CHD9: variants seen among roughly 807,000 people sequenced by gnomAD.
CHD9 encodes ATP-dependent chromatin remodeler CHD9.
In CHD9, 77 loss-of-function variants were observed where a neutral mutation model predicts 316.1. That is an observed-to-expected ratio of 0.24 (90% CI 0.20 to 0.29). The LOEUF is 0.29. CHD9 is among the 10% of genes least tolerant of loss of function. The pLI is 1.00. For missense variants in CHD9, 2,763 were observed against 3,438.1 expected (o/e 0.80, Z 4.91); for synonymous variants, 1,129 against 1,158.3 (o/e 0.97, Z 0.51).
chr16:53,279,250 A>G (rs926205640), intron 24 of CHD9, among the ~76,000 whole-genome samples: 8 of 152,104 alleles, frequency 5.3e-5, no homozygotes, highest in African/African-American at 1.7e-4. Flanking sequence ...TCAGCAAACT[A>G]TCACAAGGAC....
chr16:53,324,994 A>C lies in CHD9; in HGVS notation c.*99A>C, dbSNP rs2057492750. The C allele has an allele frequency of 9.9e-7, 1 of 1,008,034 alleles. No homozygotes were observed. The highest frequency in any genetic ancestry group is 1.4e-6 in the Non-Finnish European group (1 of 709,358). 62.4% of individuals were successfully genotyped at this position (1,008,034 alleles called of 1,614,324 possible). ...TGTTGAGTGCATCAATAACTTACTG[A>C]CCGAACATTTCAGTTATTTGTTTAG... is the stretch of plus-strand genomic sequence containing the variant. On this transcript the variant is annotated 3_prime_UTR_variant, in exon 39 of 39. Transcript: ENST00000447540.
intron 3 of CHD9, among the ~76,000 whole-genome samples, chr16:53,214,502 G>A (rs1201563742): frequency 6.6e-6 from 1 of 151,718 alleles, no homozygotes; most frequent in Non-Finnish European, 1.5e-5. Context: ...TTTATTATTA[G>A]GCATACCATT....
rs2035833938 is a variant in CHD9 at position 53,090,411 on chromosome 16, G to GA, written c.-165+35339dup. On this transcript the variant is annotated intron_variant, in intron 1 of 38. Coordinates refer to ENST00000447540, the MANE Select transcript of CHD9 (RefSeq NM_001308319.2). ...AGTGAAGATAAAGAGGGGTGTTTAG[G>GA]AAAAATCTCTCCTTGTGAAAACCAA... 2.6e-5 allele frequency among the ~76,000 whole-genome samples: 4 copies of GA among 152,258 alleles called. No homozygotes were observed. In the South Asian group the frequency reaches 8.3e-4, roughly 32 times the overall value.
intron 1 of CHD9, among the ~76,000 whole-genome samples, chr16:53,063,515 TTTTC>T (rs2033174146): frequency 6.6e-6 from 1 of 151,938 alleles, no homozygotes; most frequent in Admixed American, 6.6e-5. Flanking sequence ...TACTTTTTCT[TTTTC>T]TTTATTTTTT....
At chr16:53,145,758 T>C (rs748684854) in intron 1 of CHD9, among the ~76,000 whole-genome samples, 4 of 152,014 alleles carry the variant, frequency 2.6e-5, no homozygotes, top group Non-Finnish European at 5.9e-5. Flanking sequence ...CATCTTGTAC[T>C]CTACCTCTTT....
intron 1 of CHD9, among the ~76,000 whole-genome samples, chr16:53,082,194 A>C (rs2035079876): frequency 6.7e-6 from 1 of 149,578 alleles, no homozygotes; most frequent in Non-Finnish European, 1.5e-5. Context: ...TAAGGACAGG[A>C]GAACATTTTA....
At chr16:53,056,593 A>G (rs2032151351) in intron 1 of CHD9, among the ~76,000 whole-genome samples, 1 of 152,210 alleles carries the variant, frequency 6.6e-6, no homozygotes, top group Non-Finnish European at 1.5e-5. Flanking sequence ...GTGCAAAAGA[A>G]CAATACTCTG....
chr16:53,204,825 A>G (rs1182623954), intron 2 of CHD9, among the ~76,000 whole-genome samples: 2 of 151,762 alleles, frequency 1.3e-5, no homozygotes, highest in African/African-American at 4.8e-5. Context: ...CCTTTTATGT[A>G]TTTTTTTGTT....
Position 53,267,371 on chromosome 16 carries a change from A to G in CHD9, c.4398A>G (p.Glu1466=). The part of the protein sequence containing the change: ...PFSATKDELA[E]LSEAESEGDE... ...GTGCCACAAAAGATGAATTGGCTGA[A>G]TTATCTGAAGCTGAAAGTGAAGGAG... The change falls in exon 21 of 39, where the codon GAA becomes GAG. Residue 1466 remains glutamate, a synonymous_variant. Transcript: ENST00000447540. 1.2e-6 allele frequency: 2 copies of G among 1,612,876 alleles called. No individual in the cohort carries two copies.
intron 36 of CHD9, among the ~76,000 whole-genome samples, chr16:53,317,836 T>C (rs2056995288): frequency 6.6e-6 from 1 of 152,090 alleles, no homozygotes; most frequent in Admixed American, 6.6e-5. Context: ...GGAGGATAGC[T>C]TGAGCCCAAG....
intron 1 of CHD9, among the ~76,000 whole-genome samples, chr16:53,094,493 C>T (rs1420451224): frequency 1.3e-5 from 2 of 152,142 alleles, no homozygotes; most frequent in Non-Finnish European, 2.9e-5. Context: ...CAATTCTGAA[C>T]CTGCAACAGC....
At chr16:53,301,552 G>A (rs1332374830) in intron 30 of CHD9, among the ~76,000 whole-genome samples, 2 of 152,096 alleles carry the variant, frequency 1.3e-5, no homozygotes, top group South Asian at 2.1e-4. Flanking sequence ...TTAATCAAAT[G>A]TGTGCACTGG....
chr16:53,276,020 T>G (rs1166064593), intron 24 of CHD9, among the ~76,000 whole-genome samples: 1 of 152,188 alleles, frequency 6.6e-6, no homozygotes, highest in African/African-American at 2.4e-5. Context: ...CTCACTTAAC[T>G]TGGGTACTTC....
intron 3 of CHD9, among the ~76,000 whole-genome samples, chr16:53,210,831 C>T (rs2046275226): frequency 6.6e-6 from 1 of 151,942 alleles, no homozygotes; most frequent in Non-Finnish European, 1.5e-5. Context: ...TAGTTTGGTC[C>T]TTATGTCATT....
At position 53,303,734 on chromosome 16, in the gene CHD9, A is replaced by C; in HGVS notation, c.5728A>C (p.Asn1910His). 1 of 1,598,308 alleles carries C rather than the reference A, an allele frequency of 6.3e-7. No individual in the cohort carries two copies. The highest frequency in any genetic ancestry group is 8.5e-7 in the Non-Finnish European group (1 of 1,172,102). Residue 1910 changes from asparagine (N) to histidine (H), a missense_variant, in exon 31 of 39, where the codon AAT becomes CAT. Transcript: ENST00000447540. The part of the protein sequence containing the change: ...LPSKEELVDP[N>H]IFIQPITEER... ...TCAATATGTAGAATTGGTGGATCCA[A>C]ATATTTTTATCCAGCCCATCACAGA...
chr16:53,058,900 C>T (rs1421176282), intron 1 of CHD9, among the ~76,000 whole-genome samples: 1 of 152,104 alleles, frequency 6.6e-6, no homozygotes, highest in African/African-American at 2.4e-5. Context: ...TGCTCTGTCA[C>T]CCATGCCTCC....
chr16:53,187,676 G>A (rs976532683), intron 2 of CHD9, among the ~76,000 whole-genome samples: 1 of 152,156 alleles, frequency 6.6e-6, no homozygotes, highest in Admixed American at 6.5e-5. Context: ...TCAGAAAAAA[G>A]TGATGAGCAA....
intron 13 of CHD9, among the ~76,000 whole-genome samples, chr16:53,243,511 C>T (rs1390769773): frequency 6.6e-6 from 1 of 152,178 alleles, no homozygotes; most frequent in Non-Finnish European, 1.5e-5. Context: ...TGGGGTTTCT[C>T]CATGTTGGTC....
At chr16:53,150,060 A>G (rs1040474346) in intron 1 of CHD9, among the ~76,000 whole-genome samples, 2 of 152,066 alleles carry the variant, frequency 1.3e-5, no homozygotes, top group Non-Finnish European at 2.9e-5. Flanking sequence ...CATTCTGCTA[A>G]TCTTTTCCTT....
Sources: gnomAD v4.1 joint callset for allele counts (sites outside exome capture counted in the v4.1 genomes callset) on GRCh38, gnomAD v4.1.1 for gene constraint, MANE v1.5 for transcripts, NCBI Gene and HGNC (gene_info 2026-07-23, HGNC 2026-07-21) for gene names.